The following PLXNA2 variants were observed in gnomAD, a reference collection of about 807,000 sequenced individuals.
PLXNA2 encodes plexin-A2.
In PLXNA2, 91 loss-of-function variants were observed where a neutral mutation model predicts 193.5. The ratio of observed to expected loss-of-function variants is 0.47; its 90% CI spans 0.40 to 0.56. PLXNA2 has a LOEUF of 0.56. PLXNA2 is among the 20% of genes least tolerant of loss of function. The pLI, the probability that PLXNA2 is intolerant of heterozygous loss-of-function variation, is 0.00. For synonymous variants in PLXNA2, 997 were observed against 1,027.3 expected (o/e 0.97, Z 0.56); for missense variants, 1,995 against 2,503.2 (o/e 0.80, Z 4.33).
chr1:208,062,484 G>C (rs1033346582), intron 12 of PLXNA2, among the ~76,000 whole-genome samples: 1 of 152,150 alleles, frequency 6.6e-6, no homozygotes, highest in African/African-American at 2.4e-5. Context: ...TGGCTGCAGA[G>C]CCGGGACTTG....
Position 208,028,358 on chromosome 1 carries a change from A to T in PLXNA2, c.5439-199T>A, listed in dbSNP as rs555234693. Among the ~76,000 whole-genome samples the T allele has an allele frequency of 3.6e-4, 55 of 152,258 alleles. No individual in the cohort carries two copies. The highest frequency in any genetic ancestry group is 1.2e-3 in the African/African-American group (49 of 41,552). ...GGCCAGAGTTTCTTCAGTAGATTCCATCTAGCCGAGAGCTCGTGGCTGCGG... is the reference window on the plus strand; with the variant it reads ...GGCCAGAGTTTCTTCAGTAGATTCCTTCTAGCCGAGAGCTCGTGGCTGCGG... On this transcript the variant is annotated intron_variant, in intron 30 of 31. Coordinates refer to ENST00000367033, the MANE Select transcript of PLXNA2 (RefSeq NM_025179.4). The surrounding 1 kb of genome is among the most constrained non-coding windows in gnomAD (Gnocchi z 4.2).
At chr1:208,051,761 G>GCA (rs1297309733) in intron 15 of PLXNA2, among the ~76,000 whole-genome samples, 1 of 152,176 alleles carries the variant, frequency 6.6e-6, no homozygotes, top group Non-Finnish European at 1.5e-5. Flanking sequence ...TATTCACTGA[G>GCA]CACCTACTGT....
At chr1:208,215,826 C>T (rs1311779040) in intron 2 of PLXNA2, among the ~76,000 whole-genome samples, 1 of 152,136 alleles carries the variant, frequency 6.6e-6, no homozygotes, top group East Asian at 1.9e-4. Context: ...ACTTTGATGG[C>T]AGCACCATGA....
intron 4 of PLXNA2, among the ~76,000 whole-genome samples, chr1:208,138,084 T>C (rs1668355525): frequency 6.6e-6 from 1 of 152,220 alleles, no homozygotes; most frequent in African/African-American, 2.4e-5. Flanking sequence ...GTCTCAGGAC[T>C]TTTAGAGAAC....
intron 3 of PLXNA2, among the ~76,000 whole-genome samples, chr1:208,182,546 G>A (rs1422266840): frequency 6.6e-6 from 1 of 152,090 alleles, no homozygotes; most frequent in Admixed American, 6.5e-5. Flanking sequence ...CTGCCCATGC[G>A]AGTGGCAATG....
chr1:208,070,852 T>C (rs1483535818), intron 12 of PLXNA2, among the ~76,000 whole-genome samples: 2 of 152,268 alleles, frequency 1.3e-5, no homozygotes, highest in African/African-American at 2.4e-5. Context: ...AAGTTAGCTA[T>C]GATTTTTCTC....
At chr1:208,094,436 T>A (rs983680409) in intron 8 of PLXNA2, among the ~76,000 whole-genome samples, 2 of 147,562 alleles carry the variant, frequency 1.4e-5, no homozygotes, top group East Asian at 3.9e-4. Flanking sequence ...GGAGACCTGC[T>A]TTTTTTTTTT....
In PLXNA2 at chr1:208,101,117, A is replaced by T. The variant is rs145120415; in HGVS notation, c.1607+2030T>A. On this transcript the variant is annotated intron_variant, in intron 5 of 31. Coordinates refer to ENST00000367033, the MANE Select transcript of PLXNA2 (RefSeq NM_025179.4). ...AGCTCTTGACTGGAGCCTTTATCTC[A>T]TTGACTCACTGAAATGGCTCTTTTT... Among the ~76,000 whole-genome samples the T allele has an allele frequency of 4.1e-3, 625 of 152,336 alleles. 22 individuals carry two copies. Among genetic ancestry groups the T allele is most frequent in the Admixed American group, 0.034 (525 of 15,304 alleles).
intron 12 of PLXNA2, among the ~76,000 whole-genome samples, chr1:208,066,227 G>A (rs954788864): frequency 1.3e-5 from 2 of 152,206 alleles, no homozygotes; most frequent in Admixed American, 1.3e-4. Context: ...AGAAGTGAGA[G>A]CTAGAAGGAG....
At chr1:208,053,269 A>G (rs1056243667) in intron 14 of PLXNA2, among the ~76,000 whole-genome samples, 1 of 152,326 alleles carries the variant, frequency 6.6e-6, no homozygotes, top group East Asian at 1.9e-4. Context: ...TTCTGAGATC[A>G]TTCTTTACCC....
Position 208,044,051 on chromosome 1 carries a change from A to G in PLXNA2, c.3874+457T>C, listed in dbSNP as rs1259935194. On this transcript the variant is annotated intron_variant, in intron 20 of 31. Coordinates refer to ENST00000367033, the MANE Select transcript of PLXNA2 (RefSeq NM_025179.4). This position sits in a 1 kb window ranked among gnomAD's most constrained non-coding sequence, Gnocchi z 4.9. ...GCCTTCAGAGCGCTCAGCCTGCAGC[A>G]CTGATGGAAAACAAACCCTGGGGGA... Among the ~76,000 whole-genome samples the G allele has an allele frequency of 6.6e-6, 1 of 152,214 alleles. No individual in the cohort carries two copies. Among genetic ancestry groups the G allele is most frequent in the African/African-American group, 2.4e-5 (1 of 41,464 alleles).
chr1:208,051,030 G>A lies in PLXNA2; in HGVS notation c.3234C>T (p.Phe1078=). The A allele has an allele frequency of 6.2e-7, 1 of 1,613,612 alleles. No individual in the cohort carries two copies. The highest frequency in any genetic ancestry group is 8.5e-7 in the Non-Finnish European group (1 of 1,179,508). Residue 1078 remains phenylalanine (F), a synonymous_variant, in exon 17 of 32, where the codon TTC becomes TTT. Transcript: ENST00000367033. The part of the protein sequence containing the change: ...VIQEPRIRVK[F]NGKESVNVCK... The stretch of plus-strand genomic sequence containing the variant: ...TCACATTGACAGATTCTTTGCCATT[G>A]AATTTGACTCGGATCCTTGGCTCCT...
intron 4 of PLXNA2, among the ~76,000 whole-genome samples, chr1:208,137,215 G>A (rs1275825163): frequency 1.3e-5 from 2 of 152,134 alleles, no homozygotes; most frequent in African/African-American, 4.8e-5. Flanking sequence ...CAGTCTGTAC[G>A]GAGCCATTCT....
intron 4 of PLXNA2, among the ~76,000 whole-genome samples, chr1:208,111,853 A>C (rs1667485965): frequency 6.6e-6 from 1 of 151,944 alleles, no homozygotes; most frequent in African/African-American, 2.4e-5. Context: ...TCACGTGATC[A>C]ACACCATTAA....
intron 2 of PLXNA2, among the ~76,000 whole-genome samples, chr1:208,215,814 A>C (rs1174562126): frequency 2.0e-5 from 3 of 152,070 alleles, no homozygotes; most frequent in Non-Finnish European, 4.4e-5. Flanking sequence ...TGGATCATGA[A>C]TACTTTGATG....
In PLXNA2 at chr1:208,239,623, T is replaced by A. The variant is rs186173395; in HGVS notation, c.-81+4020A>T. Among the ~76,000 whole-genome samples the A allele has an allele frequency of 1.8e-4, 27 of 152,312 alleles. No homozygotes were observed. In the East Asian group the frequency reaches 5.0e-3, roughly 28 times the overall value. On this transcript the variant is annotated intron_variant, in intron 1 of 31. Transcript: ENST00000367033. ...CCAAAACAGCCACCCACAAGCCAGA[T>A]CCACAGTGAGAAGCACTAGGAAAAT...
chr1:208,096,741 G>A lies in PLXNA2; in HGVS notation c.1874C>T (p.Pro625Leu), dbSNP rs530848476. The A allele has an allele frequency of 1.2e-5, 20 of 1,613,934 alleles. No individual in the cohort carries two copies. The highest frequency in any genetic ancestry group is 1.4e-5 in the Non-Finnish European group (16 of 1,180,020). The change falls in exon 7 of 32, where the codon CCG becomes CTG. Residue 625 changes from proline to leucine, a missense_variant. By Grantham distance (98) the Pro-to-Leu change is moderately conservative (BLOSUM62 -3). Coordinates refer to ENST00000367033, the MANE Select transcript of PLXNA2 (RefSeq NM_025179.4). ...SPGPKDVPVI[P>L]LDQDWFGLEL... is the part of the protein sequence containing the mutation. ...CAGATATTTCTTACCTTGATCCAGC[G>A]GGATGACAGGGACATCCTTGGGCCC...
chr1:208,080,066 A>G (rs888919858), intron 11 of PLXNA2, among the ~76,000 whole-genome samples: 1 of 152,152 alleles, frequency 6.6e-6, no homozygotes, highest in African/African-American at 2.4e-5. Context: ...TTCAAACTCC[A>G]ACTTGCTTTG....
chr1:208,201,973 A>AT (rs59313982), intron 3 of PLXNA2, among the ~76,000 whole-genome samples: 101 of 132,638 alleles, frequency 7.6e-4, no homozygotes, highest in Non-Finnish European at 1.0e-3. Context: ...CAGGGCAAGA[A>AT]TTTTTTTTTT....
Sources: gnomAD v4.1 joint callset for allele counts (sites outside exome capture counted in the v4.1 genomes callset) on GRCh38, gnomAD v4.1.1 for gene constraint, Gnocchi (gnomAD v3.1) non-coding constraint, MANE v1.5 for transcripts, NCBI Gene and HGNC (gene_info 2026-07-23, HGNC 2026-07-21) for gene names.